The following USP48 variants were observed in gnomAD, a reference collection of about 807,000 sequenced individuals.
The protein encoded by USP48 is ubiquitin carboxyl-terminal hydrolase 48.
In USP48, 43 loss-of-function variants were observed where a neutral mutation model predicts 150.7. That is an observed-to-expected ratio of 0.29 (90% CI 0.22 to 0.37). The LOEUF (loss-of-function observed/expected upper bound fraction) is 0.37. USP48 is among the 10% of genes least tolerant of loss of function. The probability of loss-of-function intolerance (pLI) is 1.00; values close to 1 mark genes in which losing one functional copy is unlikely to be tolerated. For synonymous variants in USP48, 396 were observed against 425.9 expected, an observed-to-expected ratio of 0.93 and a Z score of 0.86; for missense variants, 813 against 1,249.6, an observed-to-expected ratio of 0.65 and a Z score of 5.27.
At chr1:21,722,643 A>G (rs1370742173) in intron 12 of USP48, among the ~76,000 whole-genome samples, 5 of 149,200 alleles carry the variant, frequency 3.4e-5, no homozygotes, top group Admixed American at 3.3e-4. Flanking sequence ...CTAGGAGTTC[A>G]AGACCAGCCT....
rs994364749 is a variant in USP48, at chr1:21,756,607, G to A, written c.351C>T (p.Leu117=). 6 of 1,609,166 alleles carry A rather than the reference G, an allele frequency of 3.7e-6. No individual in the cohort carries two copies. The highest frequency in any genetic ancestry group is 5.1e-6 in the Non-Finnish European group (6 of 1,178,744). The change falls in exon 3 of 27, where the codon CTC becomes CTT. Residue 117 remains leucine, a synonymous_variant. Transcript: ENST00000308271. ...CACTACAAGTGCTTGGACATAAGTA[G>A]AGTGCCTGCCGAAGCTCCAAGTTGA... ...WFLNLELRQA[L]YLCPSTCSDY...
chr1:21,691,532 G>A (rs2152500898), intron 23 of USP48, among the ~76,000 whole-genome samples: 1 of 152,222 alleles, frequency 6.6e-6, no homozygotes, highest in South Asian at 2.1e-4. Flanking sequence ...CTACTTGGGA[G>A]GCTGAGGGAG....
intron 15 of USP48, among the ~76,000 whole-genome samples, chr1:21,707,990 T>C (rs1239552625): frequency 3.4e-5 from 5 of 148,484 alleles, no homozygotes; most frequent in African/African-American, 7.5e-5. Context: ...GATGAAACCC[T>C]GCGTCTACTA....
intron 14 of USP48, among the ~76,000 whole-genome samples, chr1:21,717,394 A>C (rs370537881): frequency 3.3e-5 from 5 of 152,108 alleles, no homozygotes; most frequent in African/African-American, 4.8e-5. Context: ...AAAGAGAGAG[A>C]TCCTGTCTAA....
intron 15 of USP48, among the ~76,000 whole-genome samples, chr1:21,710,668 G>A (rs967496223): frequency 1.3e-5 from 2 of 151,928 alleles, no homozygotes; most frequent in African/African-American, 2.4e-5. Flanking sequence ...CATACAACAC[G>A]TTAGAAATAT....
intron 1 of USP48, among the ~76,000 whole-genome samples, chr1:21,761,488 C>G (rs1334284681): frequency 6.6e-6 from 1 of 151,962 alleles, no homozygotes; most frequent in Non-Finnish European, 1.5e-5. Context: ...CAGGCTGACC[C>G]CATCACTTTT....
At chr1:21,765,650 A>C (rs2097859972) in intron 1 of USP48, among the ~76,000 whole-genome samples, 1 of 151,670 alleles carries the variant, frequency 6.6e-6, no homozygotes, top group Admixed American at 6.6e-5. Context: ...GAAGCTGAAC[A>C]AGGCATGAGA....
chr1:21,768,532 T>C (rs901252053), intron 1 of USP48: 2 of 152,182 alleles, frequency 1.3e-5, no homozygotes, highest in Non-Finnish European at 2.9e-5. Flanking sequence ...GTTTCCCTCA[T>C]CTCAGACTGA....
chr1:21,778,773 C>T (rs1305397518), intron 1 of USP48, among the ~76,000 whole-genome samples: 2 of 148,612 alleles, frequency 1.3e-5, no homozygotes, highest in African/African-American at 2.5e-5. Flanking sequence ...TTTTTGGAGA[C>T]GGAGTCTCGT....
intron 1 of USP48, among the ~76,000 whole-genome samples, chr1:21,767,583 A>G (rs2097865269): frequency 6.7e-6 from 1 of 150,084 alleles, no homozygotes; most frequent in Non-Finnish European, 1.5e-5. Flanking sequence ...TCGGCCTCCC[A>G]AAGTGCTGGG....
chr1:21,752,303 A>C (rs2097818236), intron 5 of USP48, among the ~76,000 whole-genome samples: 1 of 152,182 alleles, frequency 6.6e-6, no homozygotes, highest in Non-Finnish European at 1.5e-5. Flanking sequence ...GCAAGAGCAG[A>C]CTGCAAGAGC....
chr1:21,734,109 A>G (rs1039446350), intron 9 of USP48, among the ~76,000 whole-genome samples: 1 of 152,262 alleles, frequency 6.6e-6, no homozygotes, highest in African/African-American at 2.4e-5. Context: ...ATTTAAAAGT[A>G]GAAAACAGGT....
In USP48 at chr1:21,679,299, C is replaced by T. The variant is rs2097558965; in HGVS notation, c.*118G>A. 2 of 1,330,120 alleles carry T rather than the reference C, an allele frequency of 1.5e-6. No homozygotes were observed. The highest frequency in any genetic ancestry group is 3.4e-5 in the Admixed American group (2 of 58,314). 82.4% of individuals were successfully genotyped at this position (1,330,120 alleles called of 1,614,324 possible). On this transcript the variant is annotated 3_prime_UTR_variant, in exon 27 of 27. Coordinates refer to ENST00000308271, the MANE Select transcript of USP48 (RefSeq NM_032236.8). The stretch of plus-strand genomic sequence containing the variant: ...CAGTCACGTTTGAATGGATTTCTGC[C>T]TTTTGGAAGGGGCATGTAATGGTTT...
In USP48 at chr1:21,783,025, C is replaced by A; in HGVS notation, c.-68G>T. 9 of 1,428,584 alleles carry A rather than the reference C, an allele frequency of 6.3e-6. No homozygotes were observed. Among genetic ancestry groups the A allele is most frequent in the Non-Finnish European group, 8.2e-6 (9 of 1,101,964 alleles). 88.5% of individuals were successfully genotyped at this position (1,428,584 alleles called of 1,614,324 possible). A position where few individuals can be genotyped will look rare whatever the true frequency, so the allele number is the denominator to read the frequency against. ...CCGCCGCCGCGGTCTGCACCGCCGC[C>A]CCAATGGGCTTCGCCACCTGCCAGC... On this transcript the variant is annotated 5_prime_UTR_variant, in exon 1 of 27. Transcript: ENST00000308271.
intron 24 of USP48, among the ~76,000 whole-genome samples, chr1:21,688,468 C>T (rs955742865): frequency 2.1e-4 from 32 of 151,760 alleles, no homozygotes; most frequent in Non-Finnish European, 2.9e-5. Context: ...ATCCACCCAC[C>T]TCAACCTCCC....
At chr1:21,772,659 C>T (rs1438334794) in intron 1 of USP48, among the ~76,000 whole-genome samples, 19 of 148,922 alleles carry the variant, frequency 1.3e-4, no homozygotes, top group African/African-American at 3.5e-4. Flanking sequence ...TGGTGGCTCG[C>T]GCCTATAATC....
intron 1 of USP48, among the ~76,000 whole-genome samples, chr1:21,758,582 T>C (rs1427953925): frequency 6.6e-6 from 1 of 151,914 alleles, no homozygotes; most frequent in Non-Finnish European, 1.5e-5. Context: ...AAACCCTGTC[T>C]CTACTAAAAA....
At chr1:21,685,339 T>A (rs2097577726) in intron 25 of USP48, among the ~76,000 whole-genome samples, 1 of 151,520 alleles carries the variant, frequency 6.6e-6, no homozygotes, top group Non-Finnish European at 1.5e-5. Context: ...CTTTTTTTTT[T>A]TTTTGAGATG....
intron 1 of USP48, among the ~76,000 whole-genome samples, chr1:21,759,136 C>T (rs1222390919): frequency 1.6e-5 from 2 of 127,426 alleles, no homozygotes; most frequent in East Asian, 2.4e-4. Context: ...GAGCCAAGAT[C>T]GTGCCACTGC....
Sources: gnomAD v4.1 joint callset for allele counts (sites outside exome capture counted in the v4.1 genomes callset) on GRCh38, gnomAD v4.1.1 for gene constraint, MANE v1.5 for transcripts, NCBI Gene and HGNC (gene_info 2026-07-23, HGNC 2026-07-21) for gene names.